IL1RAPL2: variants seen among roughly 807,000 people sequenced by gnomAD.
The protein encoded by IL1RAPL2 is X-linked interleukin-1 receptor accessory protein-like 2.
A neutral mutation model predicts 44.1 loss-of-function variants in IL1RAPL2; 3 were observed. The observed-to-expected ratio is 0.07, with a 90% CI of 0.03 to 0.18. The LOEUF (loss-of-function observed/expected upper bound fraction) is 0.18, where lower values mean the gene tolerates loss of function less well. Among genes scored for constraint, IL1RAPL2 ranks in the 10% least tolerant of loss-of-function variants. IL1RAPL2 has a pLI of 1.00. For synonymous variants in IL1RAPL2, 181 were observed against 178.8 expected (o/e 1.01, Z -0.10); for missense variants, 391 against 496.4 (o/e 0.79, Z 2.02).
intron 8 of IL1RAPL2, among the ~76,000 whole-genome samples, chrX:105,748,248 C>G (rs765660114): frequency 8.9e-6 from 1 of 112,045 alleles, no homozygotes; most frequent in African/African-American, 3.2e-5. Context: ...TCTAGGGATG[C>G]CCCCCTGGAG....
chrX:104,567,458 C>A (rs1928059994), intron 1 of IL1RAPL2, among the ~76,000 whole-genome samples: 1 of 112,641 alleles, frequency 8.9e-6, no homozygotes, highest in African/African-American at 3.2e-5. Flanking sequence ...GGAAGAGGCT[C>A]AAGGCGGCTC....
chrX:105,714,434 A>AT (rs2034254168), intron 6 of IL1RAPL2, among the ~76,000 whole-genome samples: 1 of 111,451 alleles, frequency 9.0e-6, no homozygotes. Context: ...CTCGGTACCA[A>AT]TTTTTCTGTC....
In IL1RAPL2 at chrX:105,002,886, T is replaced by C. The variant is rs748432382; in HGVS notation, c.83-192589T>C. ...CTGTAAACACCATCATAATATTATGTCATGCATAATTTATTATTGAAATCC... is the reference window on the plus strand; with the variant it reads ...CTGTAAACACCATCATAATATTATGCCATGCATAATTTATTATTGAAATCC... On this transcript the variant is annotated intron_variant, in intron 2 of 10. Transcript: ENST00000372582. Among the ~76,000 whole-genome samples, 3 of 111,580 alleles carry C rather than the reference T, an allele frequency of 2.7e-5. No individual in the cohort carries two copies. In the South Asian group the frequency reaches 1.1e-3, roughly 41 times the overall value.
rs369251782 is a variant in IL1RAPL2, at chrX:105,085,350, A to G, written c.83-110125A>G. ...AGCAAGAAAACAAACAACATGATTA[A>G]AAATGGGCAAAGGACTTGAATAGAC... is the stretch of plus-strand genomic sequence containing the variant. On this transcript the variant is annotated intron_variant, in intron 2 of 10. Coordinates refer to ENST00000372582, the MANE Select transcript of IL1RAPL2 (RefSeq NM_017416.2). Among the ~76,000 whole-genome samples the G allele has an allele frequency of 1.7e-4, 19 of 112,317 alleles. 1 individual carries two copies. The highest frequency in any genetic ancestry group is 1.4e-3 in the East Asian group (5 of 3,607).
intron 2 of IL1RAPL2, among the ~76,000 whole-genome samples, chrX:104,881,679 A>G (rs767873904): frequency 9.8e-5 from 11 of 112,086 alleles, no homozygotes; most frequent in Admixed American, 1.9e-4. Context: ...TATAAACTCT[A>G]AGAGGCTGAA....
intron 3 of IL1RAPL2, chrX:105,220,049 G>A: frequency 8.3e-7 from 1 of 1,211,409 alleles, no homozygotes. Flanking sequence ...GTCTCCTGCT[G>A]CTCCCTGAGC....
intron 6 of IL1RAPL2, among the ~76,000 whole-genome samples, chrX:105,625,011 A>G (rs2037443715): frequency 8.9e-6 from 1 of 112,080 alleles, no homozygotes; most frequent in African/African-American, 3.2e-5. Flanking sequence ...CAAAGTCACC[A>G]TAGGGTGATC....
intron 6 of IL1RAPL2, among the ~76,000 whole-genome samples, chrX:105,700,168 G>GTT (rs2038108154): frequency 9.0e-6 from 1 of 111,351 alleles, no homozygotes; most frequent in African/African-American, 3.3e-5. Context: ...GGGCTAAGTT[G>GTT]TTCAGTAAGA....
intron 2 of IL1RAPL2, among the ~76,000 whole-genome samples, chrX:104,983,785 G>A (rs2030510816): frequency 9.4e-6 from 1 of 105,870 alleles, no homozygotes; most frequent in Non-Finnish European, 1.9e-5. Flanking sequence ...AGTTAGTGAG[G>A]TTACTTTCTA....
chrX:105,553,967 C>T (rs893398108), intron 6 of IL1RAPL2, among the ~76,000 whole-genome samples: 2 of 112,999 alleles, frequency 1.8e-5, no homozygotes, highest in Non-Finnish European at 3.7e-5. Context: ...AGCCACCCAA[C>T]CAGGACCCCT....
intron 2 of IL1RAPL2, among the ~76,000 whole-genome samples, chrX:105,071,828 G>T (rs766530597): frequency 8.9e-6 from 1 of 112,040 alleles, no homozygotes; most frequent in Non-Finnish European, 1.9e-5. Context: ...ATGCAGAAGA[G>T]TGAAATTAGA....
intron 7 of IL1RAPL2, among the ~76,000 whole-genome samples, chrX:105,733,821 G>C (rs1285405058): frequency 2.7e-5 from 3 of 111,379 alleles, no homozygotes; most frequent in African/African-American, 9.8e-5. Context: ...GTCTGGTTCT[G>C]AATGTTTGCT....
chrX:105,437,841 C>T (rs2035892473), intron 5 of IL1RAPL2, among the ~76,000 whole-genome samples: 1 of 111,345 alleles, frequency 9.0e-6, no homozygotes, highest in African/African-American at 3.3e-5. Flanking sequence ...AGCCATTAAC[C>T]TTTAATTTTA....
At chrX:104,744,905 T>C (rs1403154009) in intron 2 of IL1RAPL2, among the ~76,000 whole-genome samples, 1 of 111,051 alleles carries the variant, frequency 9.0e-6, no homozygotes, top group Non-Finnish European at 1.9e-5. Flanking sequence ...TTACTATTAT[T>C]TATAGTCACT....
At chrX:105,598,247 C>T (rs2037226070) in intron 6 of IL1RAPL2, among the ~76,000 whole-genome samples, 1 of 110,324 alleles carries the variant, frequency 9.1e-6, no homozygotes, top group African/African-American at 3.3e-5. Context: ...AGTGAAAACA[C>T]ACACACACAA....
chrX:105,437,544 A>G (rs1242736653), intron 5 of IL1RAPL2, among the ~76,000 whole-genome samples: 1 of 111,777 alleles, frequency 8.9e-6, no homozygotes, highest in Non-Finnish European at 1.9e-5. Context: ...TTGAGGATAC[A>G]TAAAGCATAT....
chrX:105,586,069 C>A (rs774842651), intron 6 of IL1RAPL2, among the ~76,000 whole-genome samples: 8 of 112,079 alleles, frequency 7.1e-5, no homozygotes, highest in African/African-American at 2.6e-4. Context: ...AAACAACATA[C>A]AGAATGGGAG....
chrX:104,764,379 G>A (rs1194374631), intron 2 of IL1RAPL2, among the ~76,000 whole-genome samples: 10 of 111,719 alleles, frequency 9.0e-5, no homozygotes, highest in Non-Finnish European at 1.9e-4. Context: ...ATACAGAAAT[G>A]CTACTGATTT....
intron 6 of IL1RAPL2, among the ~76,000 whole-genome samples, chrX:105,695,083 C>T (rs1159350013): frequency 9.0e-6 from 1 of 111,572 alleles, no homozygotes; most frequent in Non-Finnish European, 1.9e-5. Context: ...CAACAGTGTA[C>T]ATATCTCCCC....
Sources: allele counts gnomAD v4.1 joint callset (sites outside exome capture counted in the v4.1 genomes callset), GRCh38; gene constraint gnomAD v4.1.1; transcripts MANE v1.5; gene names NCBI Gene and HGNC (gene_info 2026-07-23, HGNC 2026-07-21).